HIVEP3: variants seen among roughly 807,000 people sequenced by gnomAD.
The protein encoded by HIVEP3 is HIVEP zinc finger 3.
A neutral mutation model predicts 152.8 loss-of-function variants in HIVEP3; 49 were observed. That is an observed-to-expected ratio of 0.32 (90% CI 0.26 to 0.41). The LOEUF is 0.41. HIVEP3 is among the 10% of genes least tolerant of loss of function. HIVEP3 has a pLI of 1.00. For missense variants in HIVEP3, 2,790 were observed against 3,103.3 expected, an observed-to-expected ratio of 0.90 and a Z score of 2.40; for synonymous variants, 1,269 against 1,289.0, an observed-to-expected ratio of 0.98 and a Z score of 0.33.
At chr1:41,903,916 T>C (rs1396210315) in intron 1 of HIVEP3, among the ~76,000 whole-genome samples, 1 of 151,402 alleles carries the variant, frequency 6.6e-6, no homozygotes, top group Non-Finnish European at 1.5e-5. Flanking sequence ...TTTTTTTTTT[T>C]TTTGAGACAG....
At position 41,749,650 on chromosome 1, in the gene HIVEP3, A is replaced by T. The variant is rs534738523; in HGVS notation, c.-800-48655T>A. Among the ~76,000 whole-genome samples the T allele has an allele frequency of 3.3e-5, 5 of 152,344 alleles. No individual in the cohort carries two copies. In the East Asian group the frequency reaches 7.7e-4, roughly 23 times the overall value. On this transcript the variant is annotated intron_variant, in intron 1 of 8. Coordinates refer to ENST00000372583, the MANE Select transcript of HIVEP3 (RefSeq NM_024503.5). ...CTCCCATCCCCTCACCCCACGGAAC[A>T]GAGCTCACCTGGGGCTCACATAGCC...
chr1:41,972,317 C>G (rs1645234560), intron 1 of HIVEP3, among the ~76,000 whole-genome samples: 1 of 152,222 alleles, frequency 6.6e-6, no homozygotes, highest in Non-Finnish European at 1.5e-5. Context: ...GCCATTGCAG[C>G]TGGCTCACCT....
chr1:41,623,401 C>T (rs894186213), intron 3 of HIVEP3, among the ~76,000 whole-genome samples: 4 of 152,182 alleles, frequency 2.6e-5, no homozygotes, highest in Admixed American at 2.0e-4. Context: ...CACACACTTG[C>T]TATTTTTAAA....
intron 2 of HIVEP3, among the ~76,000 whole-genome samples, chr1:41,678,896 C>T (rs1645997299): frequency 6.6e-6 from 1 of 152,260 alleles, no homozygotes; most frequent in Non-Finnish European, 1.5e-5. Flanking sequence ...TGCTCCCTAT[C>T]ACCATGGCCA....
chr1:41,510,978 G>C lies in HIVEP3; in HGVS notation c.6694C>G (p.Leu2232Val). The C allele has an allele frequency of 1.2e-6, 2 of 1,613,530 alleles. No individual in the cohort carries two copies. The highest frequency in any genetic ancestry group is 2.2e-5 in the South Asian group (2 of 91,062). The change falls in exon 9 of 9, where the codon CTG (leucine) becomes GTG (valine). Residue 2232 changes from leucine (L) to valine (V), a missense_variant. Leu to Val is a conservative substitution (Grantham distance 32). Coordinates refer to ENST00000372583, the MANE Select transcript of HIVEP3 (RefSeq NM_024503.5). ...VSGFSGGGSD[L>V]TGAREAQERG... ...TCCTGGGCCTCCCGGGCCCCTGTCA[G>C]GTCGCTGCCACCCCCGGAGAAGCCA... is the stretch of plus-strand genomic sequence containing the variant.
rs1376207532 is a variant in HIVEP3, at chr1:41,584,731, T to C, written c.67A>G (p.Lys23Glu). The part of the protein sequence containing the change: ...AEGSPRKRLT[K>E]GEAIQTSVSS... ...ACACTGGTCTGAATGGCCTCTCCTT[T>C]GGTCAGCCGCTTCCGGGGACTTCCC... The change falls in exon 4 of 9, where the codon AAA becomes GAA. Residue 23 changes from lysine (K) to glutamate (E), a missense_variant. Physicochemically the swap from Lys to Glu is moderately conservative, Grantham distance 56 (BLOSUM62 1). Around this residue, in one of 9 missense-constraint regions of HIVEP3, gnomAD observed 209 missense variants for 237.0 expected, o/e 0.88. Transcript: ENST00000372583. This position sits in a 1 kb window ranked among gnomAD's most constrained non-coding sequence, Gnocchi z 5.2. 6.5e-7 allele frequency: 1 copy of C among 1,528,754 alleles called. No individual in the cohort carries two copies. The highest frequency in any genetic ancestry group is 1.4e-5 in the African/African-American group (1 of 71,912). The allele number at this position is 1,528,754 out of a possible 1,614,324, so 94.7% of individuals were successfully genotyped here.
chr1:41,675,929 G>A (rs1485966310), intron 2 of HIVEP3, among the ~76,000 whole-genome samples: 2 of 147,164 alleles, frequency 1.4e-5, no homozygotes, highest in African/African-American at 5.3e-5. Flanking sequence ...TGGAGCTGAG[G>A]TGACATAGGA....
At chr1:42,017,512 C>T (rs2124533225) in intron 1 of HIVEP3, among the ~76,000 whole-genome samples, 1 of 152,220 alleles carries the variant, frequency 6.6e-6, no homozygotes, top group East Asian at 1.9e-4. Context: ...ATTTCTATTA[C>T]CAGAGATTAG....
chr1:41,545,803 TCAC>T lies in HIVEP3; in HGVS notation c.5208-20896_5208-20894del, dbSNP rs1335122735. ...ACCACCACCACCACCATCACCACCA[TCAC>T]CACCACCACCACCACCACTACCATC... On this transcript the variant is annotated intron_variant, in intron 5 of 8. Transcript: ENST00000372583. Among the ~76,000 whole-genome samples, 718 of 122,870 alleles carry T rather than the reference TCAC, an allele frequency of 5.8e-3. 2 individuals carry two copies. Among genetic ancestry groups the T allele is most frequent in the African/African-American group, 0.022 (681 of 31,052 alleles). The allele number at this position is 122,870 out of a possible 152,430, so 80.6% of individuals were successfully genotyped here. A position where few individuals can be genotyped will look rare whatever the true frequency, so the allele number is the denominator to read the frequency against.
intron 1 of HIVEP3, among the ~76,000 whole-genome samples, chr1:41,950,358 C>G (rs774259876): frequency 6.6e-6 from 1 of 152,114 alleles, no homozygotes; most frequent in Non-Finnish European, 1.5e-5. Context: ...GTACCATGCT[C>G]TCCTCCCCCA....
intron 1 of HIVEP3, among the ~76,000 whole-genome samples, chr1:41,896,331 T>G (rs772264749): frequency 3.9e-5 from 6 of 152,238 alleles, no homozygotes; most frequent in Admixed American, 1.3e-4. Context: ...AGCATTCCTC[T>G]TCTTCAGAAG....
At chr1:41,828,549 T>TA (rs1642869226) in intron 1 of HIVEP3, among the ~76,000 whole-genome samples, 3 of 152,222 alleles carry the variant, frequency 2.0e-5, no homozygotes, top group Admixed American at 2.0e-4. Flanking sequence ...AAGAGATACT[T>TA]TAAGCCAGTG....
At chr1:42,012,374 A>C (rs1235175833) in intron 1 of HIVEP3, among the ~76,000 whole-genome samples, 1 of 152,140 alleles carries the variant, frequency 6.6e-6, no homozygotes, top group Non-Finnish European at 1.5e-5. Flanking sequence ...TTAAGAAGTA[A>C]GTAGGTTTAG....
chr1:41,731,685 G>T (rs1484688114), intron 1 of HIVEP3, among the ~76,000 whole-genome samples: 2 of 152,174 alleles, frequency 1.3e-5, no homozygotes, highest in African/African-American at 4.8e-5. Flanking sequence ...CCAACAATCA[G>T]CTTTGACATG....
chr1:42,025,482 T>C (rs570826807), intron 1 of HIVEP3, among the ~76,000 whole-genome samples: 29 of 152,356 alleles, frequency 1.9e-4, no homozygotes, highest in African/African-American at 7.0e-4. Context: ...GTACTCATAA[T>C]ACATAAAGAA....
intron 1 of HIVEP3, among the ~76,000 whole-genome samples, chr1:41,762,371 T>G (rs1647748122): frequency 6.6e-6 from 1 of 152,342 alleles, no homozygotes; most frequent in African/African-American, 2.4e-5. Flanking sequence ...GCTGTAACAC[T>G]GTAACCCTCC....
intron 1 of HIVEP3, among the ~76,000 whole-genome samples, chr1:41,926,606 G>C (rs1421468155): frequency 1.3e-5 from 2 of 152,162 alleles, no homozygotes; most frequent in African/African-American, 2.4e-5. Context: ...GGAAAGGAAG[G>C]AGATGAGCAG....
upstream of HIVEP3, among the ~76,000 whole-genome samples, chr1:41,920,392 C>T (rs974125586): frequency 2.0e-5 from 3 of 152,106 alleles, no homozygotes; most frequent in Admixed American, 6.5e-5. Flanking sequence ...CCCAGCCCCC[C>T]GGGGAATAGG....
intron 5 of HIVEP3, among the ~76,000 whole-genome samples, chr1:41,526,761 T>C (rs1569736331): frequency 1.3e-5 from 1 of 74,614 alleles, no homozygotes; most frequent in Non-Finnish European, 2.6e-5. Flanking sequence ...ATCCCCACAC[T>C]CACCCTCACA....
Sources: gnomAD v4.1 joint callset for allele counts (sites outside exome capture counted in the v4.1 genomes callset) on GRCh38, gnomAD v4.1.1 for gene constraint, gnomAD v4.1.1 regional missense constraint, Gnocchi (gnomAD v3.1) non-coding constraint, MANE v1.5 for transcripts, NCBI Gene and HGNC (gene_info 2026-07-23, HGNC 2026-07-21) for gene names.